ADCK1: variants seen among roughly 807,000 people sequenced by gnomAD.
The protein encoded by ADCK1 is aarF domain-containing protein kinase 1.
A neutral mutation model predicts 52.3 loss-of-function variants in ADCK1; 41 were observed. That is an observed-to-expected ratio of 0.78 (90% CI 0.61 to 1.02). The LOEUF is 1.02. Ranked by LOEUF, ADCK1 falls within the 50% of genes least tolerant of loss-of-function variation. The probability of loss-of-function intolerance (pLI) is 0.00; values close to 1 mark genes in which losing one functional copy is unlikely to be tolerated. For missense variants in ADCK1, 658 were observed against 679.5 expected (o/e 0.97, Z 0.35); for synonymous variants, 250 against 274.6 (o/e 0.91, Z 0.89).
chr14:77,839,065 A>T (rs1158872230), intron 3 of ADCK1, among the ~76,000 whole-genome samples: 3 of 152,174 alleles, frequency 2.0e-5, no homozygotes, highest in Non-Finnish European at 4.4e-5. Context: ...TCAGGAAATC[A>T]CTGTGGGTCT....
chr14:77,884,405 G>C (rs183416993), intron 4 of ADCK1, among the ~76,000 whole-genome samples: 147 of 152,260 alleles, frequency 9.7e-4, no homozygotes, highest in African/African-American at 3.2e-3. Context: ...TCCATTCCTG[G>C]GTCCCTGTCC....
At position 77,844,629 on chromosome 14, in the gene ADCK1, T is replaced by C. The variant is rs982706250; in HGVS notation, c.220-14447T>C. Among the ~76,000 whole-genome samples, 14 of 152,094 alleles carry C rather than the reference T, an allele frequency of 9.2e-5. 1 individual carries two copies. Among genetic ancestry groups the C allele is most frequent in the South Asian group, 6.3e-4 (3 of 4,800 alleles). On this transcript the variant is annotated intron_variant, in intron 3 of 10. Coordinates refer to ENST00000238561, the MANE Select transcript of ADCK1 (RefSeq NM_020421.4). ...GGGCGTTGGCCTGGAGTGTAGTTCA[T>C]TGGGACAGGGGAGAAAATGGAGCTG...
intron 1 of ADCK1, among the ~76,000 whole-genome samples, chr14:77,817,461 T>C (rs968184920): frequency 1.1e-4 from 16 of 152,132 alleles, no homozygotes; most frequent in Non-Finnish European, 1.6e-4. Flanking sequence ...TCATGGACTT[T>C]AGTCTGACAT....
chr14:77,837,427 C>T (rs1464164141), intron 3 of ADCK1, among the ~76,000 whole-genome samples: 1 of 152,220 alleles, frequency 6.6e-6, no homozygotes, highest in East Asian at 1.9e-4. Context: ...CGTGAGCCAC[C>T]ATGCCCAGCT....
intron 7 of ADCK1, among the ~76,000 whole-genome samples, chr14:77,913,562 C>CG (rs1566730451): frequency 1.3e-5 from 2 of 152,202 alleles, no homozygotes; most frequent in East Asian, 3.9e-4. Flanking sequence ...TCCTCTTTCC[C>CG]GGGCTGGGTG....
intron 4 of ADCK1, among the ~76,000 whole-genome samples, chr14:77,872,865 G>A (rs1484264346): frequency 6.6e-6 from 1 of 152,012 alleles, no homozygotes; most frequent in African/African-American, 2.4e-5. Flanking sequence ...TAGTAGAGAC[G>A]GGATTTTGTC....
chr14:77,882,967 C>T (rs901011497), intron 4 of ADCK1, among the ~76,000 whole-genome samples: 107 of 105,758 alleles, frequency 1.0e-3, no homozygotes, highest in African/African-American at 3.6e-3. Context: ...CCCCCCCCCC[C>T]GTGCTTTTTT....
intron 5 of ADCK1, among the ~76,000 whole-genome samples, chr14:77,895,425 A>AT (rs1366583806): frequency 2.0e-5 from 3 of 152,246 alleles, no homozygotes; most frequent in Admixed American, 6.5e-5. Context: ...TCATTCATTC[A>AT]TTCATGTGAG....
At chr14:77,859,049 C>G (rs2082485314) in intron 3 of ADCK1, 27 bp from the exon 4 acceptor site, 1 of 1,572,076 alleles carries the variant, frequency 6.4e-7, no homozygotes, top group African/African-American at 1.3e-5. Flanking sequence ...ACTCACACCT[C>G]TCTGGTCCTG....
In ADCK1 at chr14:77,934,880, A is replaced by G. The variant is rs1226549828; in HGVS notation, c.*1489A>G. On this transcript the variant is annotated 3_prime_UTR_variant, in exon 11 of 11. Transcript: ENST00000238561. The stretch of plus-strand genomic sequence containing the variant: ...AAAGAATTAATTGTTCTTAGTGACC[A>G]GTTGGATGCACCCAGGGACCTGAGA... 6.6e-6 allele frequency: 1 copy of G among 152,236 alleles called. No individual in the cohort carries two copies. Among genetic ancestry groups the G allele is most frequent in the Non-Finnish European group, 1.5e-5 (1 of 68,038 alleles). The allele number at this position is 152,236 out of a possible 1,614,324, so 9.4% of individuals were successfully genotyped here. A position where few individuals can be genotyped will look rare whatever the true frequency, so the allele number is the denominator to read the frequency against.
chr14:77,866,460 G>A (rs2082662616), intron 4 of ADCK1, among the ~76,000 whole-genome samples: 1 of 152,174 alleles, frequency 6.6e-6, no homozygotes, highest in Non-Finnish European at 1.5e-5. Context: ...CTCCCAGGCA[G>A]CCTGGGTTTC....
chr14:77,899,919 A>G (rs940109582), intron 6 of ADCK1, among the ~76,000 whole-genome samples: 1 of 151,760 alleles, frequency 6.6e-6, no homozygotes, highest in African/African-American at 2.4e-5. Context: ...AAAATATAAA[A>G]ATTAGCCTGG....
At chr14:77,825,251 G>C (rs2081668640) in intron 3 of ADCK1, among the ~76,000 whole-genome samples, 1 of 152,172 alleles carries the variant, frequency 6.6e-6, no homozygotes, top group Admixed American at 6.6e-5. Flanking sequence ...GGCCTGTGTT[G>C]ATTTAATGTC....
intron 4 of ADCK1, among the ~76,000 whole-genome samples, chr14:77,861,704 A>G (rs2140143295): frequency 6.6e-6 from 1 of 152,066 alleles, no homozygotes; most frequent in African/African-American, 2.4e-5. Flanking sequence ...GACTGTAGAG[A>G]GCGGTGGTGT....
At chr14:77,802,914 A>G (rs899539858) in intron 1 of ADCK1, among the ~76,000 whole-genome samples, 2 of 152,168 alleles carry the variant, frequency 1.3e-5, no homozygotes, top group East Asian at 3.9e-4. Context: ...AGATTGCGCC[A>G]CTGCACTCCA....
At chr14:77,918,354 A>G (rs1396496497) in intron 7 of ADCK1, among the ~76,000 whole-genome samples, 1 of 152,142 alleles carries the variant, frequency 6.6e-6, no homozygotes, top group Non-Finnish European at 1.5e-5. Flanking sequence ...CTAGCAACCC[A>G]TATTTCTGAA....
rs756056466 is a variant in ADCK1 at position 77,921,326 on chromosome 14, C to CAAAAAAAAAAAA, written c.859-3120_859-3109dup. ...TGGGCGACAGAGTGAGACTCTGTCT[C>CAAAAAAAAAAAA]AAAAAAAAAAAAAAAAAAAAAAGAA... On this transcript the variant is annotated intron_variant, in intron 7 of 10. Coordinates refer to ENST00000238561, the MANE Select transcript of ADCK1 (RefSeq NM_020421.4). 8.4e-3 allele frequency among the ~76,000 whole-genome samples: 347 copies of CAAAAAAAAAAAA among 41,184 alleles called. 50 individuals are homozygous for CAAAAAAAAAAAA. The highest frequency in any genetic ancestry group is 0.036 in the East Asian group (19 of 530). The allele number at this position is 41,184 out of a possible 152,430, so 27.0% of individuals were successfully genotyped here.
At chr14:77,800,710 A>G (rs762893962) in intron 1 of ADCK1, among the ~76,000 whole-genome samples, 4 of 152,254 alleles carry the variant, frequency 2.6e-5, no homozygotes, top group Admixed American at 6.5e-5. Context: ...CACAGTAGAT[A>G]TGTGCTAACA....
In ADCK1 at chr14:77,916,065, A is replaced by G. The variant is rs568874169; in HGVS notation, c.858+8146A>G. On this transcript the variant is annotated intron_variant, in intron 7 of 10. Coordinates refer to ENST00000238561, the MANE Select transcript of ADCK1 (RefSeq NM_020421.4). Reference sequence around the variant, plus strand: ...ATTATGTGCCAAAAGATGGGGGGAAACATGTAGGGAAGAAACCCTTTCCCC... The same window carrying G: ...ATTATGTGCCAAAAGATGGGGGGAAGCATGTAGGGAAGAAACCCTTTCCCC... Among the ~76,000 whole-genome samples the G allele has an allele frequency of 1.7e-4, 26 of 152,300 alleles. No individual in the cohort carries two copies. The South Asian group carries it at 5.4e-3, about 32-fold the overall frequency.
Sources: allele counts gnomAD v4.1 joint callset (sites outside exome capture counted in the v4.1 genomes callset), GRCh38; gene constraint gnomAD v4.1.1; transcripts MANE v1.5; gene names NCBI Gene and HGNC (gene_info 2026-07-23, HGNC 2026-07-21).